GRM8: variants seen among roughly 807,000 people sequenced by gnomAD.
The protein encoded by GRM8 is glutamate metabotropic receptor 8, also known as metabotropic glutamate receptor 8.
Under a neutral mutation model 87.2 loss-of-function variants are expected in GRM8, and 47 were observed. That is an observed-to-expected ratio of 0.54 (90% confidence interval 0.43 to 0.69). The LOEUF is 0.69. Ranked by LOEUF, GRM8 falls within the 30% of genes least tolerant of loss-of-function variation. The pLI, the probability that GRM8 is intolerant of heterozygous loss-of-function variation, is 0.00. For synonymous variants in GRM8, 396 were observed against 404.5 expected, an observed-to-expected ratio of 0.98 and a Z score of 0.25; for missense variants, 1,019 against 1,139.2, an observed-to-expected ratio of 0.89 and a Z score of 1.52.
At chr7:127,017,579 G>T (rs1563417049) in intron 3 of GRM8, among the ~76,000 whole-genome samples, 1 of 152,052 alleles carries the variant, frequency 6.6e-6, no homozygotes, top group Non-Finnish European at 1.5e-5. Context: ...AAAGAAGAAG[G>T]TGTCATCTTT....
chr7:126,525,930 G>T (rs77900852), intron 9 of GRM8, among the ~76,000 whole-genome samples: 5 of 151,836 alleles, frequency 3.3e-5, no homozygotes, highest in Non-Finnish European at 7.4e-5. Flanking sequence ...AATCTGTTTC[G>T]AATTTATTTT....
At chr7:126,467,590 G>C (rs1315995089) in intron 9 of GRM8, among the ~76,000 whole-genome samples, 1 of 151,634 alleles carries the variant, frequency 6.6e-6, no homozygotes, top group Non-Finnish European at 1.5e-5. Flanking sequence ...TTTTACATCT[G>C]TATTTATAAG....
chr7:126,917,785 A>C (rs1179574067), intron 3 of GRM8, among the ~76,000 whole-genome samples: 1 of 152,208 alleles, frequency 6.6e-6, no homozygotes, highest in African/African-American at 2.4e-5. Context: ...TCAAAATGCG[A>C]ACTTCAAAGT....
chr7:126,669,341 T>G (rs1806137756), intron 7 of GRM8, among the ~76,000 whole-genome samples: 1 of 151,940 alleles, frequency 6.6e-6, no homozygotes, highest in Non-Finnish European at 1.5e-5. Flanking sequence ...AATTAAAAAT[T>G]TTTAAAAAAA....
At chr7:127,149,699 G>T (rs1202049371) in intron 2 of GRM8, among the ~76,000 whole-genome samples, 1 of 151,932 alleles carries the variant, frequency 6.6e-6, no homozygotes, top group South Asian at 2.1e-4. Context: ...AAGAAACCGT[G>T]GTACAAATAT....
chr7:127,108,264 T>C (rs551487574), intron 2 of GRM8, among the ~76,000 whole-genome samples: 4 of 152,282 alleles, frequency 2.6e-5, no homozygotes, highest in African/African-American at 9.6e-5. Context: ...CTTTCTCACC[T>C]TTTCTTGTTT....
chr7:126,736,785 T>A (rs1237081917), intron 7 of GRM8, among the ~76,000 whole-genome samples: 2 of 152,090 alleles, frequency 1.3e-5, no homozygotes, highest in African/African-American at 4.8e-5. Flanking sequence ...GTTGTTGGCA[T>A]CACAGTAATA....
At chr7:126,531,807 T>C (rs530344316) in intron 9 of GRM8, among the ~76,000 whole-genome samples, 1 of 152,294 alleles carries the variant, frequency 6.6e-6, no homozygotes, top group African/African-American at 2.4e-5. Flanking sequence ...TCTGTCCCGT[T>C]GTTGTGGAAA....
chr7:127,227,143 G>A (rs903800918), intron 2 of GRM8, among the ~76,000 whole-genome samples: 2 of 152,256 alleles, frequency 1.3e-5, no homozygotes, highest in Admixed American at 6.5e-5. Flanking sequence ...GAAGGAGGCG[G>A]ACTCTGTAGT....
chr7:126,587,183 G>A (rs966940732), intron 8 of GRM8, among the ~76,000 whole-genome samples: 1 of 152,226 alleles, frequency 6.6e-6, no homozygotes, highest in African/African-American at 2.4e-5. Flanking sequence ...AACAACAGGT[G>A]ATGGAGAGGA....
chr7:127,077,237 T>C (rs536353904), intron 3 of GRM8, among the ~76,000 whole-genome samples: 1 of 152,326 alleles, frequency 6.6e-6, no homozygotes, highest in South Asian at 2.1e-4. Flanking sequence ...TCTAGCCCTC[T>C]CTCTGGTGTT....
chr7:126,948,822 C>T (rs1586565691), intron 3 of GRM8, among the ~76,000 whole-genome samples: 1 of 152,246 alleles, frequency 6.6e-6, no homozygotes, highest in Non-Finnish European at 1.5e-5. Flanking sequence ...TCATGGCTGG[C>T]TCAGTGCGTA....
chr7:126,996,941 C>T (rs1005228227), intron 3 of GRM8, among the ~76,000 whole-genome samples: 2 of 151,916 alleles, frequency 1.3e-5, no homozygotes, highest in Non-Finnish European at 2.9e-5. Context: ...AGAACAAACG[C>T]ATCTAATAGA....
intron 8 of GRM8, among the ~76,000 whole-genome samples, chr7:126,577,319 T>C (rs141984775): frequency 6.6e-6 from 1 of 152,180 alleles, no homozygotes; most frequent in Admixed American, 6.5e-5. Flanking sequence ...AGGAACTTCC[T>C]AGAAGTCTTG....
At chr7:126,979,506 A>C (rs1248102090) in intron 3 of GRM8, among the ~76,000 whole-genome samples, 1 of 152,184 alleles carries the variant, frequency 6.6e-6, no homozygotes, top group African/African-American at 2.4e-5. Context: ...GTGTTTGTTA[A>C]GCATTTATAT....
chr7:126,502,724 A>G (rs1352342668), intron 9 of GRM8, among the ~76,000 whole-genome samples: 4 of 152,052 alleles, frequency 2.6e-5, no homozygotes, highest in Non-Finnish European at 5.9e-5. Context: ...GGTTATTTAA[A>G]ACATTTTAAA....
At chr7:126,483,773 C>T (rs1436415999) in intron 9 of GRM8, among the ~76,000 whole-genome samples, 5 of 139,396 alleles carry the variant, frequency 3.6e-5, no homozygotes, top group African/African-American at 1.3e-4. Flanking sequence ...CCCTCCCTCC[C>T]TTCCTCCCCT....
intron 2 of GRM8, among the ~76,000 whole-genome samples, chr7:127,145,517 A>G (rs914482155): frequency 2.0e-5 from 3 of 152,176 alleles, no homozygotes; most frequent in African/African-American, 4.8e-5. Flanking sequence ...ACCCAATTCC[A>G]TAACATCAAC....
intron 2 of GRM8, among the ~76,000 whole-genome samples, chr7:127,115,505 G>A (rs1826647348): frequency 6.6e-6 from 1 of 152,278 alleles, no homozygotes; most frequent in East Asian, 1.9e-4. Flanking sequence ...CTAATATCAT[G>A]TTTTAGAAAG....
Sources: gnomAD v4.1 joint callset for allele counts (sites outside exome capture counted in the v4.1 genomes callset) on GRCh38, gnomAD v4.1.1 for gene constraint, MANE v1.5 for transcripts, NCBI Gene and HGNC (gene_info 2026-07-23, HGNC 2026-07-21) for gene names.